The following OTOGL variants were observed in gnomAD, a reference collection of about 807,000 sequenced individuals.
The protein encoded by OTOGL is otogelin-like protein.
In OTOGL, 285 loss-of-function variants were observed where a neutral mutation model predicts 318.5. That is an observed-to-expected ratio of 0.89 (90% CI 0.81 to 0.99). The LOEUF (loss-of-function observed/expected upper bound fraction) is 0.99, where lower values mean the gene tolerates loss of function less well. Ranked by LOEUF, OTOGL falls within the 50% of genes least tolerant of loss-of-function variation. The pLI is 0.00. For synonymous variants in OTOGL, 987 were observed against 936.5 expected, an observed-to-expected ratio of 1.05 and a Z score of -0.99; for missense variants, 2,899 against 2,845.6, an observed-to-expected ratio of 1.02 and a Z score of -0.43.
intron 38 of OTOGL, among the ~76,000 whole-genome samples, chr12:80,333,952 AG>A (rs1239413948): frequency 6.6e-6 from 1 of 152,152 alleles, no homozygotes. Context: ...TAGACAATAA[AG>A]TAGATTATGT....
At position 80,222,265 on chromosome 12, in the gene OTOGL, G is replaced by C. The variant is rs769428181; in HGVS notation, c.489+20G>C. 43 of 1,543,190 alleles carry C rather than the reference G, an allele frequency of 2.8e-5. No homozygotes were observed. Among genetic ancestry groups the C allele is most frequent in the Non-Finnish European group, 3.8e-5 (43 of 1,146,164 alleles). On this transcript the variant is annotated intron_variant, in intron 7 of 58. Transcript: ENST00000547103. ...GTATGGGTAGGTGATTGTAGGACAT[G>C]ATTAACTTAAAAATATTATCTCTGG... is the stretch of plus-strand genomic sequence containing the variant.
intron 33 of OTOGL, among the ~76,000 whole-genome samples, chr12:80,320,160 A>G (rs1033164971): frequency 6.6e-6 from 1 of 152,132 alleles, no homozygotes; most frequent in Non-Finnish European, 1.5e-5. Context: ...CAAGGACAAA[A>G]TAAATTATTA....
chr12:80,353,491 C>A lies in OTOGL; in HGVS notation c.5574C>A (p.Cys1858Ter), dbSNP rs891538098. 9.5e-6 allele frequency: 15 copies of A among 1,580,470 alleles called. No homozygotes were observed. The highest frequency in any genetic ancestry group is 1.3e-5 in the African/African-American group (1 of 74,164). ...TTCACAGGCCACATTCAGCCCAGTG[C>A]ATTCCAGAGAAAGAGTGTGGTAAGA... The part of the protein sequence containing the change: ...TILHRPHSAQ[C>*]IPEKECACTD... The change falls in exon 46 of 59, where the codon TGC (cysteine) becomes TGA (stop). Residue 1858 changes from cysteine (C) to a stop codon, truncating the protein, a stop_gained. Transcript: ENST00000547103. LOFTEE classifies it high-confidence loss of function.
chr12:80,210,032 A>T (rs1005558253), intron 2 of OTOGL, among the ~76,000 whole-genome samples: 10 of 152,090 alleles, frequency 6.6e-5, no homozygotes, highest in Admixed American at 5.9e-4. Context: ...AATTGATTTT[A>T]ATTATTTTTA....
In OTOGL at chr12:80,372,043, A is replaced by G; in HGVS notation, c.6760A>G (p.Asn2254Asp). The change falls in exon 57 of 59, where the codon AAT (asparagine) becomes GAT (aspartate). Residue 2254 changes from asparagine (N) to aspartate (D), a missense_variant. By Grantham distance (23) the Asn-to-Asp change is conservative. This residue lies in a region of OTOGL where 289 missense variants were observed against 304.6 expected (regional missense o/e 0.95). Transcript: ENST00000547103. Reference protein sequence around the residue: ...KMNEGIVKLYNEGCCKICKRE... With the variant: ...KMNEGIVKLYDEGCCKICKRE... ...GAATGAAGGGATTGTGAAGCTTTATAATGAAGGCTGTTGCAAGATCTGTAA... is the reference window on the plus strand; with the variant it reads ...GAATGAAGGGATTGTGAAGCTTTATGATGAAGGCTGTTGCAAGATCTGTAA... 6.4e-7 allele frequency: 1 copy of G among 1,556,676 alleles called. No homozygotes were observed. Among genetic ancestry groups the G allele is most frequent in the South Asian group, 1.2e-5 (1 of 82,238 alleles).
At chr12:80,134,914 A>C (rs568105162) in intron 1 of OTOGL, among the ~76,000 whole-genome samples, 1 of 152,066 alleles carries the variant, frequency 6.6e-6, no homozygotes, top group Non-Finnish European at 1.5e-5. Flanking sequence ...AACCTTATTC[A>C]TGTGTCTCTG....
At chr12:80,144,444 C>A (rs1203091642) in intron 1 of OTOGL, among the ~76,000 whole-genome samples, 6 of 149,296 alleles carry the variant, frequency 4.0e-5, no homozygotes, top group Admixed American at 3.3e-4. Context: ...TTTTCTTAAT[C>A]CGGTCTATCA....
At position 80,233,069 on chromosome 12, in the gene OTOGL, T is replaced by G; in HGVS notation, c.789T>G (p.Ile263Met). ...SCGLCGNYND[I>M]QSDDFIILQE... ...GCCTATGTGGAAACTACAATGACAT[T>G]CAATCTGATGATTTCATAATTCTGC... The change falls in exon 9 of 59, where the codon ATT becomes ATG. Residue 263 changes from isoleucine (I) to methionine (M), a missense_variant. Ile to Met is a conservative substitution (Grantham distance 10, BLOSUM62 1). Transcript: ENST00000547103. 6.3e-7 allele frequency: 1 copy of G among 1,596,546 alleles called. No homozygotes were observed. Among genetic ancestry groups the G allele is most frequent in the Non-Finnish European group, 8.5e-7 (1 of 1,177,158 alleles).
intron 11 of OTOGL, among the ~76,000 whole-genome samples, chr12:80,244,304 A>G (rs1248327560): frequency 2.9e-5 from 4 of 138,108 alleles, no homozygotes; most frequent in South Asian, 2.6e-4. Flanking sequence ...ATATCTCCCA[A>G]TGCTATCCCT....
At chr12:80,103,724 A>G (rs193059933) in intron 1 of OTOGL, among the ~76,000 whole-genome samples, 60 of 152,350 alleles carry the variant, frequency 3.9e-4, no homozygotes, top group African/African-American at 1.4e-3. Context: ...CCATTTAGGA[A>G]CATAGTAATA....
chr12:80,117,351 G>T (rs1297822488), intron 1 of OTOGL, among the ~76,000 whole-genome samples: 1 of 151,612 alleles, frequency 6.6e-6, no homozygotes, highest in Non-Finnish European at 1.5e-5. Flanking sequence ...TCCATTAATG[G>T]CAGTAATTAT....
At position 80,200,940 on chromosome 12, in the gene OTOGL, G is replaced by A. The variant is rs139003002; in HGVS notation, c.-19-8473G>A. On this transcript the variant is annotated intron_variant, in intron 1 of 58. Coordinates refer to ENST00000547103, the MANE Select transcript of OTOGL (RefSeq NM_001378609.3). The stretch of plus-strand genomic sequence containing the variant: ...GCTGAACACTTTGGCAATGGAGGAC[G>A]CCTACACCAAAAGGATAATGTTTAA... Among the ~76,000 whole-genome samples the A allele has an allele frequency of 2.8e-4, 43 of 152,232 alleles. No homozygotes were observed. The East Asian group carries it at 6.0e-3, about 21-fold the overall frequency.
intron 1 of OTOGL, among the ~76,000 whole-genome samples, chr12:80,196,289 A>C (rs1876061272): frequency 6.6e-6 from 1 of 152,240 alleles, no homozygotes; most frequent in Non-Finnish European, 1.5e-5. Flanking sequence ...AGGGACAGTT[A>C]TCCTATCTAC....
At chr12:80,313,865 T>C (rs543269444) in intron 31 of OTOGL, among the ~76,000 whole-genome samples, 5 of 152,162 alleles carry the variant, frequency 3.3e-5, no homozygotes, top group Non-Finnish European at 7.4e-5. Flanking sequence ...ATTGTACCAT[T>C]TGAAATATAA....
intron 30 of OTOGL, among the ~76,000 whole-genome samples, chr12:80,311,048 T>C (rs967468249): frequency 6.6e-6 from 1 of 152,256 alleles, no homozygotes; most frequent in Admixed American, 6.5e-5. Context: ...TAGAGAACAT[T>C]GTCAAATGGG....
chr12:80,191,758 A>C (rs1311636729), intron 1 of OTOGL, among the ~76,000 whole-genome samples: 2 of 152,202 alleles, frequency 1.3e-5, no homozygotes, highest in African/African-American at 4.8e-5. Flanking sequence ...CAGCAAGCGT[A>C]AGGCAGTCCT....
intron 11 of OTOGL, 54 bp downstream of exon 11, chr12:80,239,493 C>T: frequency 8.2e-7 from 1 of 1,217,992 alleles, no homozygotes; most frequent in Non-Finnish European, 1.2e-6. Flanking sequence ...AAAAAGAAGA[C>T]CCACAACTAC....
intron 1 of OTOGL, among the ~76,000 whole-genome samples, chr12:80,102,558 AC>A (rs1869204053): frequency 3.9e-5 from 6 of 152,056 alleles, no homozygotes; most frequent in Admixed American, 3.9e-4. Context: ...CTCCACTGTC[AC>A]CCCTCTAGTT....
At chr12:80,236,438 T>G (rs1309558061) in intron 9 of OTOGL, among the ~76,000 whole-genome samples, 1 of 152,202 alleles carries the variant, frequency 6.6e-6, no homozygotes, top group Non-Finnish European at 1.5e-5. Flanking sequence ...GATAAACAAC[T>G]TTTAGGACCC....
Sources: allele counts gnomAD v4.1 joint callset (sites outside exome capture counted in the v4.1 genomes callset), GRCh38; gene constraint gnomAD v4.1.1; regional missense constraint gnomAD v4.1.1; transcripts MANE v1.5; gene names NCBI Gene and HGNC (gene_info 2026-07-23, HGNC 2026-07-21).